KCNN2: variants seen among roughly 807,000 people sequenced by gnomAD.
The protein encoded by KCNN2 is potassium calcium-activated channel subfamily N member 2.
A neutral mutation model predicts 55.5 loss-of-function variants in KCNN2; 24 were observed. That is an observed-to-expected ratio of 0.43 (90% CI 0.31 to 0.61). The LOEUF (loss-of-function observed/expected upper bound fraction) is 0.61. Ranked by LOEUF, KCNN2 falls within the 20% of genes least tolerant of loss-of-function variation. The pLI, the probability that KCNN2 is intolerant of heterozygous loss-of-function variation, is 0.08. For synonymous variants in KCNN2, 431 were observed against 336.1 expected (o/e 1.28, Z -3.09); for missense variants, 754 against 853.6 (o/e 0.88, Z 1.45).
chr5:114,182,799 T>C (rs1753264937), intron 1 of KCNN2, among the ~76,000 whole-genome samples: 1 of 152,160 alleles, frequency 6.6e-6, no homozygotes, highest in Admixed American at 6.5e-5. Flanking sequence ...TGAACAATTA[T>C]ATCATTTGCA....
intron 2 of KCNN2, among the ~76,000 whole-genome samples, chr5:114,306,525 C>A (rs1756275151): frequency 1.3e-5 from 2 of 152,010 alleles, no homozygotes; most frequent in African/African-American, 4.8e-5. Context: ...CTTTACTGGT[C>A]AGAGAACAAA....
intron 1 of KCNN2, among the ~76,000 whole-genome samples, chr5:114,073,389 G>C (rs1160083791): frequency 2.6e-5 from 4 of 152,116 alleles, no homozygotes; most frequent in Admixed American, 2.6e-4. Context: ...CTCTAAATCT[G>C]TATTCTAGAC....
At chr5:114,185,717 C>T (rs909109154) in intron 1 of KCNN2, among the ~76,000 whole-genome samples, 1 of 152,126 alleles carries the variant, frequency 6.6e-6, no homozygotes, top group Non-Finnish European at 1.5e-5. Context: ...GTAATTGATA[C>T]GTAGAGAAAT....
Position 114,484,449 on chromosome 5 carries a change from A to G in KCNN2, c.1891-2601A>G, listed in dbSNP as rs1762363421. ...GTATTCATGCAGCAAAATTGCACTT[A>G]CACTGCCTAAATTTATATAAATAAA... On this transcript the variant is annotated intron_variant, in intron 5 of 7. Coordinates refer to ENST00000673685, the MANE Select transcript of KCNN2 (RefSeq NM_021614.4). Among the ~76,000 whole-genome samples, 4 of 152,306 alleles carry G rather than the reference A, an allele frequency of 2.6e-5. No homozygotes were observed. In the South Asian group the frequency reaches 8.3e-4, roughly 32 times the overall value.
At chr5:114,389,232 GC>G (rs1231067658) in intron 2 of KCNN2, among the ~76,000 whole-genome samples, 1 of 151,950 alleles carries the variant, frequency 6.6e-6, no homozygotes, top group Non-Finnish European at 1.5e-5. Context: ...TTTCTCCTTT[GC>G]TGAAAACAAG....
chr5:114,108,909 T>C (rs941482461), intron 1 of KCNN2, among the ~76,000 whole-genome samples: 4 of 152,100 alleles, frequency 2.6e-5, no homozygotes, highest in African/African-American at 7.2e-5. Flanking sequence ...GGTCATAAGA[T>C]AGATGTACAT....
At chr5:114,351,118 CTTTAA>C (rs916488914) in intron 2 of KCNN2, among the ~76,000 whole-genome samples, 1 of 151,694 alleles carries the variant, frequency 6.6e-6, no homozygotes, top group African/African-American at 2.4e-5. Flanking sequence ...TTTGTGCATT[CTTTAA>C]TTTATTTAAA....
intron 3 of KCNN2, among the ~76,000 whole-genome samples, chr5:114,410,914 G>T (rs1045669853): frequency 6.6e-6 from 1 of 152,134 alleles, no homozygotes; most frequent in African/African-American, 2.4e-5. Context: ...TTCTAAAAAT[G>T]ACTTAACAAT....
intron 1 of KCNN2, among the ~76,000 whole-genome samples, chr5:114,221,458 T>C (rs1046136927): frequency 5.3e-5 from 8 of 152,122 alleles, no homozygotes; most frequent in African/African-American, 1.9e-4. Flanking sequence ...GAACAAAGAC[T>C]AATAGAATTT....
intron 2 of KCNN2, among the ~76,000 whole-genome samples, chr5:114,288,486 TTATA>T (rs372065101): frequency 2.1e-4 from 29 of 141,298 alleles, no homozygotes; most frequent in South Asian, 1.1e-3. Flanking sequence ...TGCCATTACT[TTATA>T]TATATATATA....
At position 114,363,015 on chromosome 5, in the gene KCNN2, G is replaced by T. The variant is rs753169190; in HGVS notation, c.876G>T (p.Ala292=). 10 of 1,600,114 alleles carry T rather than the reference G, an allele frequency of 6.2e-6. No individual in the cohort carries two copies. The East Asian group carries it at 1.8e-4, about 29-fold the overall frequency. The change falls in exon 1 of 8, where the codon GCG becomes GCT. Residue 292 remains alanine (A), a synonymous_variant. Transcript: ENST00000673685. ...AGCACAACAACTCCAACAACCTGGC[G>T]CTCTATGGAACCGGCGGCGGAGGCA... is the stretch of plus-strand genomic sequence containing the variant. ...KPEHNNSNNL[A]LYGTGGGGST...
chr5:114,455,816 T>C (rs980828991), intron 3 of KCNN2, among the ~76,000 whole-genome samples: 4 of 152,214 alleles, frequency 2.6e-5, no homozygotes, highest in Non-Finnish European at 5.9e-5. Context: ...TAAAACAAGC[T>C]GCAACATTTC....
At chr5:114,272,615 T>A (rs1755378563) in intron 2 of KCNN2, among the ~76,000 whole-genome samples, 1 of 152,152 alleles carries the variant, frequency 6.6e-6, no homozygotes, top group Non-Finnish European at 1.5e-5. Context: ...TAGAGACCTT[T>A]TGTTGTCAAT....
rs1199648483 is a variant in KCNN2, at chr5:114,260,792, C to T, written c.-185+39227C>T. Among the ~76,000 whole-genome samples, 5 of 152,188 alleles carry T rather than the reference C, an allele frequency of 3.3e-5. No individual in the cohort carries two copies. The East Asian group carries it at 7.7e-4, about 24-fold the overall frequency. Reference sequence around the variant, plus strand: ...AAGTCTTCCCATATAGCTAGGTGTCCATTGGGTGCAGGTGGCTTTCATTTG... The same window carrying T: ...AAGTCTTCCCATATAGCTAGGTGTCTATTGGGTGCAGGTGGCTTTCATTTG... On this transcript the variant is annotated intron_variant, in intron 2 of 10. Transcript: ENST00000512097.
chr5:114,209,249 C>T (rs1230819772), intron 1 of KCNN2, among the ~76,000 whole-genome samples: 1 of 151,860 alleles, frequency 6.6e-6, no homozygotes, highest in Non-Finnish European at 1.5e-5. Flanking sequence ...TTAAGACTCT[C>T]CTGCTCCCTT....
intron 2 of KCNN2, 81 bp from the exon 3 acceptor site, chr5:114,404,357 T>C: frequency 9.0e-7 from 1 of 1,107,816 alleles, no homozygotes; most frequent in African/African-American, 1.6e-5. Context: ...AAGTCATCTG[T>C]TGTGTGTTTT....
chr5:114,397,639 C>T (rs1156609909), intron 2 of KCNN2, among the ~76,000 whole-genome samples: 1 of 152,132 alleles, frequency 6.6e-6, no homozygotes, highest in South Asian at 2.1e-4. Flanking sequence ...TGCCCCGCCT[C>T]GGCCACCCAA....
intron 1 of KCNN2, among the ~76,000 whole-genome samples, chr5:114,162,852 A>G (rs1752818722): frequency 6.6e-6 from 1 of 152,074 alleles, no homozygotes; most frequent in African/African-American, 2.4e-5. Context: ...CGGTTGGAAA[A>G]GCGCAGTATT....
intron 3 of KCNN2, among the ~76,000 whole-genome samples, chr5:114,442,470 A>C (rs760681242): frequency 9.9e-5 from 15 of 152,226 alleles, no homozygotes; most frequent in Non-Finnish European, 1.9e-4. Context: ...TGTGGGGTGA[A>C]CTTTGGCAAG....
Sources: allele counts gnomAD v4.1 joint callset (sites outside exome capture counted in the v4.1 genomes callset), GRCh38; gene constraint gnomAD v4.1.1; transcripts MANE v1.5; gene names NCBI Gene and HGNC (gene_info 2026-07-23, HGNC 2026-07-21).